GALNT10: variants seen among roughly 807,000 people sequenced by gnomAD.
The protein encoded by GALNT10 is polypeptide N-acetylgalactosaminyltransferase 10, also known as GalNAc transferase 10.
A neutral mutation model predicts 75.0 loss-of-function variants in GALNT10; 41 were observed. The ratio of observed to expected loss-of-function variants is 0.55; its 90% confidence interval spans 0.43 to 0.71. GALNT10 has a LOEUF of 0.71. Ranked by LOEUF, GALNT10 falls within the 30% of genes least tolerant of loss-of-function variation. GALNT10 has a pLI of 0.00. For missense variants in GALNT10, 727 were observed against 818.5 expected, an observed-to-expected ratio of 0.89 and a Z score of 1.36; for synonymous variants, 302 against 313.0, an observed-to-expected ratio of 0.96 and a Z score of 0.37.
intron 3 of GALNT10, among the ~76,000 whole-genome samples, chr5:154,306,723 CA>C (rs1259555717): frequency 1.3e-5 from 2 of 150,396 alleles, no homozygotes; most frequent in Non-Finnish European, 3.0e-5. Context: ...AAAAGCTGGT[CA>C]AAAAACAACA....
Position 154,386,453 on chromosome 5 carries a change from C to A in GALNT10, c.1056+23C>A, listed in dbSNP as rs759234994. Reference sequence around the variant, plus strand: ...AAGGTGAGCCAGCTCTCCAGACGCCCCGTTCTTGGCACAGCCTCCTGAGTG... The same window carrying A: ...AAGGTGAGCCAGCTCTCCAGACGCCACGTTCTTGGCACAGCCTCCTGAGTG... On this transcript the variant is annotated intron_variant, in intron 7 of 11. Transcript: ENST00000297107. The A allele has an allele frequency of 2.1e-6, 3 of 1,436,698 alleles. No homozygotes were observed. The Admixed American group carries it at 5.0e-5, about 24-fold the overall frequency. The allele number at this position is 1,436,698 out of a possible 1,614,324, so 89.0% of individuals were successfully genotyped here.
At chr5:154,345,004 G>A (rs1755099017) in intron 4 of GALNT10, among the ~76,000 whole-genome samples, 1 of 152,138 alleles carries the variant, frequency 6.6e-6, no homozygotes, top group Admixed American at 6.5e-5. Flanking sequence ...GTCCCCAGTG[G>A]GCATGCTGCA....
intron 1 of GALNT10, among the ~76,000 whole-genome samples, chr5:154,206,912 G>C (rs533815821): frequency 1.3e-5 from 2 of 152,362 alleles, no homozygotes; most frequent in South Asian, 4.1e-4. Context: ...AGGAGGCAGG[G>C]AGAGCAGTTT....
intron 1 of GALNT10, among the ~76,000 whole-genome samples, chr5:154,273,782 C>T (rs1057095031): frequency 3.9e-5 from 6 of 152,084 alleles, no homozygotes; most frequent in Non-Finnish European, 8.8e-5. Context: ...TTTAAAAATG[C>T]CGTGAAGGAG....
intron 1 of GALNT10, among the ~76,000 whole-genome samples, chr5:154,291,468 C>T (rs923750142): frequency 2.6e-5 from 4 of 152,332 alleles, no homozygotes; most frequent in Middle Eastern, 6.8e-3. Context: ...CATGATTCTC[C>T]TGCACATTAA....
intron 1 of GALNT10, among the ~76,000 whole-genome samples, chr5:154,241,124 T>C (rs1753329489): frequency 6.6e-6 from 1 of 152,226 alleles, no homozygotes; most frequent in Admixed American, 6.5e-5. Context: ...TTCTCGCTTT[T>C]GACTGAGGTT....
intron 1 of GALNT10, among the ~76,000 whole-genome samples, chr5:154,223,387 C>T (rs1753012017): frequency 6.6e-6 from 1 of 152,182 alleles, no homozygotes; most frequent in Admixed American, 6.5e-5. Context: ...GATTCAATCC[C>T]AATACTGTCT....
intron 5 of GALNT10, among the ~76,000 whole-genome samples, chr5:154,377,403 G>C (rs918009256): frequency 1.3e-5 from 2 of 152,206 alleles, no homozygotes; most frequent in African/African-American, 4.8e-5. Context: ...ACTACAGAAT[G>C]CTTAGGGAGC....
intron 1 of GALNT10, among the ~76,000 whole-genome samples, chr5:154,226,076 A>G (rs1191402370): frequency 6.6e-6 from 1 of 152,126 alleles, no homozygotes. Flanking sequence ...TGGCACATGT[A>G]TATATATGTA....
chr5:154,329,766 C>T lies in GALNT10; in HGVS notation c.568+28C>T, dbSNP rs745675013. ...AGGATCCGTCCCACCCAGCCTCCCA[C>T]CCTCTGTGCTTCATCTGGCGACTCA... is the stretch of plus-strand genomic sequence containing the variant. On this transcript the variant is annotated intron_variant, in intron 4 of 11. Coordinates refer to ENST00000297107, the MANE Select transcript of GALNT10 (RefSeq NM_198321.4). 8.3e-6 allele frequency: 13 copies of T among 1,566,304 alleles called. No individual in the cohort carries two copies. The South Asian group carries it at 1.5e-4, about 18-fold the overall frequency.
At chr5:154,243,581 C>A (rs1174025704) in intron 1 of GALNT10, among the ~76,000 whole-genome samples, 2 of 146,130 alleles carry the variant, frequency 1.4e-5, no homozygotes, top group Non-Finnish European at 3.0e-5. Context: ...AATTATTTAA[C>A]CACTCTGTGT....
At chr5:154,265,586 T>C (rs1753764750) in intron 1 of GALNT10, among the ~76,000 whole-genome samples, 2 of 152,236 alleles carry the variant, frequency 1.3e-5, no homozygotes, top group Non-Finnish European at 2.9e-5. Context: ...TTTTATGCTG[T>C]TTATATCCTA....
intron 1 of GALNT10, among the ~76,000 whole-genome samples, chr5:154,273,796 G>T (rs1581950270): frequency 6.6e-6 from 1 of 152,168 alleles, no homozygotes; most frequent in Non-Finnish European, 1.5e-5. Flanking sequence ...GAAGGAGTTG[G>T]ATTAGATCAT....
At chr5:154,196,759 T>C (rs1479431798) in intron 1 of GALNT10, among the ~76,000 whole-genome samples, 1 of 152,168 alleles carries the variant, frequency 6.6e-6, no homozygotes, top group East Asian at 1.9e-4. Context: ...GTCTGAACCA[T>C]TCGCAGATTT....
At chr5:154,325,181 T>A (rs115343846) in intron 3 of GALNT10, among the ~76,000 whole-genome samples, 112,497 of 151,302 alleles carry the variant, frequency 0.74, 41,939 homozygotes, top group Admixed American at 0.8. Context: ...ACCGTGCCTC[T>A]GAGAGGAATT....
chr5:154,350,077 G>C (rs1207224198), intron 4 of GALNT10, among the ~76,000 whole-genome samples: 2 of 152,202 alleles, frequency 1.3e-5, no homozygotes, highest in Non-Finnish European at 2.9e-5. Context: ...CCCTACTCTA[G>C]AGACAAGTGT....
intron 7 of GALNT10, among the ~76,000 whole-genome samples, chr5:154,390,250 G>A (rs1338880783): frequency 6.6e-6 from 1 of 151,724 alleles, no homozygotes. Context: ...AGGCAAAACA[G>A]GATAGAACGC....
At chr5:154,236,128 T>G (rs898161075) in intron 1 of GALNT10, among the ~76,000 whole-genome samples, 1 of 152,172 alleles carries the variant, frequency 6.6e-6, no homozygotes, top group Non-Finnish European at 1.5e-5. Flanking sequence ...AGTCAAAACC[T>G]GAGCTCTAAA....
At chr5:154,248,746 C>A (rs1753470302) in intron 1 of GALNT10, among the ~76,000 whole-genome samples, 1 of 152,142 alleles carries the variant, frequency 6.6e-6, no homozygotes, top group Non-Finnish European at 1.5e-5. Flanking sequence ...TTTTGTTGAT[C>A]TTTTCAAAAA....
Sources: gnomAD v4.1 joint callset for allele counts (sites outside exome capture counted in the v4.1 genomes callset) on GRCh38, gnomAD v4.1.1 for gene constraint, MANE v1.5 for transcripts, NCBI Gene and HGNC (gene_info 2026-07-23, HGNC 2026-07-21) for gene names.